The following LAMA1 variants were observed in gnomAD, a reference collection of about 807,000 sequenced individuals.
The protein encoded by LAMA1 is laminin subunit alpha 1, also known as laminin subunit alpha-1.
A neutral mutation model predicts 348.7 loss-of-function variants in LAMA1; 219 were observed. The ratio of observed to expected loss-of-function variants is 0.63; its 90% CI spans 0.56 to 0.70. LAMA1 has a LOEUF of 0.70. LAMA1 is among the 30% of genes least tolerant of loss of function. The pLI is 0.00. For synonymous variants in LAMA1, 1,487 were observed against 1,491.0 expected, an observed-to-expected ratio of 1.00 and a Z score of 0.06; for missense variants, 3,744 against 3,888.0, an observed-to-expected ratio of 0.96 and a Z score of 0.99.
intron 3 of LAMA1, among the ~76,000 whole-genome samples, chr18:7,059,216 C>G (rs2058093793): frequency 6.6e-6 from 1 of 152,092 alleles, no homozygotes. Flanking sequence ...AACCCTTGTC[C>G]CAATAAAGTC....
chr18:6,955,486 C>T, intron 56 of LAMA1, 21 bp from the exon 57 acceptor site: 3 of 1,589,130 alleles, frequency 1.9e-6, no homozygotes, highest in Non-Finnish European at 2.6e-6. Context: ...CACACAGGGA[C>T]ACTCAGCCGC....
intron 61 of LAMA1, among the ~76,000 whole-genome samples, chr18:6,943,903 C>T (rs563203751): frequency 2.0e-5 from 3 of 151,200 alleles, no homozygotes; most frequent in East Asian, 2.0e-4. Context: ...TTCCAGAAAG[C>T]GCAAATGGCC....
intron 9 of LAMA1, 46 bp downstream of exon 9, chr18:7,042,098 AC>A (rs1240647521): frequency 9.3e-6 from 12 of 1,294,150 alleles, no homozygotes; most frequent in Non-Finnish European, 1.2e-5. Flanking sequence ...AATCTTCCAC[AC>A]ACACACAAAA....
intron 4 of LAMA1, 43 bp downstream of exon 4, chr18:7,050,651 C>G (rs1276792243): frequency 6.2e-7 from 1 of 1,612,422 alleles, no homozygotes; most frequent in Non-Finnish European, 8.5e-7. Flanking sequence ...CAGGGAGACT[C>G]TGATGAGGAA....
chr18:7,082,987 AG>A (rs927452492), intron 1 of LAMA1, among the ~76,000 whole-genome samples: 8 of 150,696 alleles, frequency 5.3e-5, no homozygotes, highest in South Asian at 4.2e-4. Flanking sequence ...TGAGGAGGGG[AG>A]GGGGCCAGGG....
At chr18:7,008,787 C>A (rs1448950879) in intron 27 of LAMA1, among the ~76,000 whole-genome samples, 179 bp from the exon 28 acceptor site, 2 of 152,208 alleles carry the variant, frequency 1.3e-5, no homozygotes, top group Non-Finnish European at 2.9e-5. Flanking sequence ...TGTCATGACA[C>A]ACTTTAGACA....
chr18:7,100,058 C>CAAAAAAAAAAAAAAA (rs3038921), intron 1 of LAMA1, among the ~76,000 whole-genome samples: 5 of 79,670 alleles, frequency 6.3e-5, no homozygotes, highest in Admixed American at 1.5e-4. Flanking sequence ...GACTTTGTCT[C>CAAAAAAAAAAAAAAA]AAAAAAAAAA....
chr18:7,034,680 A>T lies in LAMA1; in HGVS notation c.1850T>A (p.Leu617His). 6.2e-7 allele frequency: 1 copy of T among 1,613,470 alleles called. No homozygotes were observed. ...ACCCTCAGCCTGTGTGCTTAAAGTGAGTCCGTTTCCCTAACATTTAAAAAC... is the reference window on the plus strand; with the variant it reads ...ACCCTCAGCCTGTGTGCTTAAAGTGTGTCCGTTTCCCTAACATTTAAAAAC... The part of the protein sequence containing the change: ...HADVIIKGNG[L>H]TLSTQAEGLS... Residue 617 changes from leucine to histidine, a missense_variant, in exon 14 of 63, where the codon CTC (leucine) becomes CAC (histidine). Transcript: ENST00000389658.
chr18:7,095,122 T>TTCTCTCTCTC (rs71165720), intron 1 of LAMA1, among the ~76,000 whole-genome samples: 140 of 126,546 alleles, frequency 1.1e-3, no homozygotes, highest in African/African-American at 3.7e-3. Flanking sequence ...CTCAGGACCT[T>TTCTCTCTCTC]TCTCTCTCTC....
Position 6,959,441 on chromosome 18 carries a change from G to A in LAMA1, c.7678C>T (p.Pro2560Ser), listed in dbSNP as rs760304768. ...TTTCTCAGGCCTGTCCCATCCCCAG[G>A]ATTGACATGTACCTCAATGTTGCCT... ...IGGNIEVHVNPGDGTGLRKAL... is the reference protein window; with the variant it reads ...IGGNIEVHVNSGDGTGLRKAL... The change falls in exon 54 of 63, where the codon CCT becomes TCT. Residue 2560 changes from proline (P) to serine (S), a missense_variant. Around this residue, in one of 3 missense-constraint regions of LAMA1, gnomAD observed 1,983 missense variants for 1,934.3 expected, o/e 1.03. Coordinates refer to ENST00000389658, the MANE Select transcript of LAMA1 (RefSeq NM_005559.4). 10 of 1,614,168 alleles carry A rather than the reference G, an allele frequency of 6.2e-6. No homozygotes were observed. In the South Asian group the frequency reaches 1.1e-4, roughly 18 times the overall value.
intron 3 of LAMA1, 120 bp from the exon 4 acceptor site, chr18:7,051,056 C>T: frequency 7.5e-7 from 1 of 1,335,700 alleles, no homozygotes; most frequent in African/African-American, 1.5e-5. Flanking sequence ...TAGAATCAGA[C>T]AGTAGAATGG....
chr18:6,956,367 G>T, intron 56 of LAMA1: 3 of 599,106 alleles, frequency 5.0e-6, no homozygotes, highest in Non-Finnish European at 3.1e-6. Flanking sequence ...AGTCCTTATA[G>T]AAGCTCTGCC....
intron 5 of LAMA1, among the ~76,000 whole-genome samples, 157 bp from the exon 6 acceptor site, chr18:7,046,524 A>G (rs1170876305): frequency 1.3e-5 from 2 of 152,196 alleles, no homozygotes; most frequent in Non-Finnish European, 2.9e-5. Context: ...TTCATGCACA[A>G]AGAATCCTGT....
intron 59 of LAMA1, 118 bp downstream of exon 59, chr18:6,948,983 A>C: frequency 7.5e-7 from 1 of 1,341,332 alleles, no homozygotes; most frequent in South Asian, 1.3e-5. Context: ...AAACCTCTTC[A>C]CAAGCCCCAG....
intron 1 of LAMA1, among the ~76,000 whole-genome samples, chr18:7,082,531 G>A (rs891383372): frequency 7.9e-5 from 12 of 152,046 alleles, no homozygotes; most frequent in African/African-American, 2.9e-4. Flanking sequence ...TCTTATGTGT[G>A]GTACTTACCT....
intron 3 of LAMA1, among the ~76,000 whole-genome samples, chr18:7,068,535 A>C (rs990668364): frequency 6.6e-6 from 1 of 152,210 alleles, no homozygotes; most frequent in South Asian, 2.1e-4. Flanking sequence ...GATTGTAAGA[A>C]TCACAGGGGA....
chr18:6,973,147 T>C lies in LAMA1; in HGVS notation c.6684A>G (p.Thr2228=), dbSNP rs575458209. The C allele has an allele frequency of 4.2e-5, 68 of 1,614,190 alleles. No individual in the cohort carries two copies. The South Asian group carries it at 5.6e-4, about 13-fold the overall frequency. The change falls in exon 47 of 63, where the codon ACA becomes ACG. Residue 2228 remains threonine (T), a synonymous_variant. Transcript: ENST00000389658. The part of the protein sequence containing the change: ...KEMSSNQKSP[T]KTSKSPGTAN... ...CTGTCCCAGGGGATTTACTTGTTTT[T>C]GTTGGTGACTTTTGATTTGAGCTCA...
At chr18:7,090,687 G>C (rs1334150431) in intron 1 of LAMA1, among the ~76,000 whole-genome samples, 1 of 144,922 alleles carries the variant, frequency 6.9e-6, no homozygotes, top group African/African-American at 2.5e-5. Context: ...AAAGAGAACA[G>C]AGAGAGAGAG....
At position 7,044,807 on chromosome 18, in the gene LAMA1, G is replaced by A. The variant is rs749281239; in HGVS notation, c.891C>T (p.Cys297=). The A allele has an allele frequency of 2.2e-5, 36 of 1,613,912 alleles. No individual in the cohort carries two copies. Among genetic ancestry groups the A allele is most frequent in the Admixed American group, 3.3e-5 (2 of 59,982 alleles). ...GACAGCACCTGTTACAGCTCTCCCC[G>A]CAAGTATTATGCTCACATTGACACT... The part of the protein sequence containing the change: ...KLQCQCEHNT[C]GESCNRCCPG... Residue 297 remains cysteine (C), a synonymous_variant, in exon 7 of 63, where the codon TGC becomes TGT. Coordinates refer to ENST00000389658, the MANE Select transcript of LAMA1 (RefSeq NM_005559.4).
Sources: allele counts gnomAD v4.1 joint callset (sites outside exome capture counted in the v4.1 genomes callset), GRCh38; gene constraint gnomAD v4.1.1; regional missense constraint gnomAD v4.1.1; transcripts MANE v1.5; gene names NCBI Gene and HGNC (gene_info 2026-07-23, HGNC 2026-07-21).